The following PIN1 variants were observed in gnomAD, a reference collection of about 807,000 sequenced individuals.
PIN1 encodes peptidyl-prolyl cis-trans isomerase NIMA-interacting 1.
In PIN1, 8 loss-of-function variants were observed where a neutral mutation model predicts 19.9. The ratio of observed to expected loss-of-function variants is 0.40; its 90% CI spans 0.24 to 0.72. The LOEUF is 0.72. Ranked by LOEUF, PIN1 falls within the 30% of genes least tolerant of loss-of-function variation. The probability of loss-of-function intolerance (pLI) is 0.37; values close to 1 mark genes in which losing one functional copy is unlikely to be tolerated. For synonymous variants in PIN1, 86 were observed against 90.8 expected (o/e 0.95, Z 0.30); for missense variants, 185 against 226.5 (o/e 0.82, Z 1.18).
At chr19:9,845,669 G>A (rs1599454091) in intron 2 of PIN1, among the ~76,000 whole-genome samples, 1 of 152,200 alleles carries the variant, frequency 6.6e-6, no homozygotes, top group Admixed American at 6.5e-5. Flanking sequence ...AATTTTCCAA[G>A]AGAGCTGGCA....
Position 9,842,038 on chromosome 19 carries a change from G to A in PIN1, c.271+3390G>A, listed in dbSNP as rs565180209. Among the ~76,000 whole-genome samples, 7 of 152,268 alleles carry A rather than the reference G, an allele frequency of 4.6e-5. No homozygotes were observed. In the East Asian group the frequency reaches 1.4e-3, roughly 29 times the overall value. ...ATCTCTGGGTTGGACAGGTGCACCT[G>A]GTAAGTAGCCAGGCCCTGAGGCGTC... On this transcript the variant is annotated intron_variant, in intron 2 of 3. Transcript: ENST00000247970.
chr19:9,843,111 G>A (rs968803273), intron 2 of PIN1, among the ~76,000 whole-genome samples: 5 of 152,216 alleles, frequency 3.3e-5, no homozygotes, highest in Admixed American at 1.3e-4. Flanking sequence ...CTCCCTGCCC[G>A]CTCTCCACCC....
rs1239044523 is a variant in PIN1, at chr19:9,846,654, G to A, written c.272-1376G>A. The stretch of plus-strand genomic sequence containing the variant: ...GTCCAGTGTGTTCAGCAGGTGCCAC[G>A]GTTGGGTGTCCAGGCCTCCCAGCAC... On this transcript the variant is annotated intron_variant, in intron 2 of 3. Coordinates refer to ENST00000247970, the MANE Select transcript of PIN1 (RefSeq NM_006221.4). The surrounding 1 kb of genome is among the most constrained non-coding windows in gnomAD (Gnocchi z 5.9). 6.6e-6 allele frequency among the ~76,000 whole-genome samples: 1 copy of A among 152,204 alleles called. No individual in the cohort carries two copies. Among genetic ancestry groups the A allele is most frequent in the African/African-American group, 2.4e-5 (1 of 41,456 alleles).
rs1361304611 is a variant in PIN1, at chr19:9,846,756, G to A, written c.272-1274G>A. Among the ~76,000 whole-genome samples, 1 of 152,044 alleles carries A rather than the reference G, an allele frequency of 6.6e-6. No individual in the cohort carries two copies. The highest frequency in any genetic ancestry group is 1.5e-5 in the Non-Finnish European group (1 of 68,002). On this transcript the variant is annotated intron_variant, in intron 2 of 3. Transcript: ENST00000247970. The surrounding 1 kb of genome is among the most constrained non-coding windows in gnomAD (Gnocchi z 5.9). ...AGTGTATCAGCTATGTATGTCCTGG[G>A]CAAGTTGGCCGGCAGGTGTGTCATG...
Position 9,838,356 on chromosome 19 carries a change from C to T in PIN1, c.59-80C>T. The stretch of plus-strand genomic sequence containing the variant: ...AGGCGCCCCCTGCAAGCCAGGCCCT[C>T]ACCCTGGCTTCTGGCTGTGGGCCCA... On this transcript the variant is annotated intron_variant, in intron 1 of 3. Coordinates refer to ENST00000247970, the MANE Select transcript of PIN1 (RefSeq NM_006221.4). This position sits in a 1 kb window ranked among gnomAD's most constrained non-coding sequence, Gnocchi z 5.8. The T allele has an allele frequency of 1.8e-6, 2 of 1,142,818 alleles. No individual in the cohort carries two copies. Among genetic ancestry groups the T allele is most frequent in the Non-Finnish European group, 2.6e-6 (2 of 774,970 alleles). 70.8% of individuals were successfully genotyped at this position (1,142,818 alleles called of 1,614,324 possible).
chr19:9,844,698 G>A (rs569446219), intron 2 of PIN1, among the ~76,000 whole-genome samples: 6 of 152,248 alleles, frequency 3.9e-5, no homozygotes, highest in Non-Finnish European at 8.8e-5. Context: ...TGGCGCCGTC[G>A]GGCAAGGCTG....
At chr19:9,836,913 A>G (rs756981435) in intron 1 of PIN1, 25 of 1,158,464 alleles carry the variant, frequency 2.2e-5, no homozygotes, top group Non-Finnish European at 2.6e-5. Context: ...AATAGAGATA[A>G]TAAAGGCTAT....
Position 9,838,688 on chromosome 19 carries a change from T to C in PIN1, c.271+40T>C. 1 of 1,464,072 alleles carries C rather than the reference T, an allele frequency of 6.8e-7. No homozygotes were observed. The highest frequency in any genetic ancestry group is 2.0e-4 in the Middle Eastern group (1 of 5,120). The allele number at this position is 1,464,072 out of a possible 1,614,324, so 90.7% of individuals were successfully genotyped here. ...GGCAGGGGCTTGGGAGGGGGTCTTCTCCCAGGTGAGCCTTTGTAGAAGTCA... is the reference window on the plus strand; with the variant it reads ...GGCAGGGGCTTGGGAGGGGGTCTTCCCCCAGGTGAGCCTTTGTAGAAGTCA... On this transcript the variant is annotated intron_variant, in intron 2 of 3. Transcript: ENST00000247970. The surrounding 1 kb of genome is among the most constrained non-coding windows in gnomAD (Gnocchi z 5.8).
intron 2 of PIN1, among the ~76,000 whole-genome samples, chr19:9,844,975 C>T (rs566282541): frequency 5.3e-5 from 8 of 152,098 alleles, no homozygotes; most frequent in Non-Finnish European, 1.2e-4. Flanking sequence ...CACTGTGAGG[C>T]GGGCAAGCAA....
intron 1 of PIN1, 198 bp downstream of exon 1, chr19:9,835,600 A>T: frequency 2.0e-6 from 1 of 488,672 alleles, no homozygotes. Flanking sequence ...AGCCTGAGGA[A>T]GCTGAGGCAG....
intron 2 of PIN1, among the ~76,000 whole-genome samples, chr19:9,844,665 TC>T: frequency 6.6e-6 from 1 of 152,054 alleles, no homozygotes; most frequent in South Asian, 2.1e-4. Flanking sequence ...CACCCGACAG[TC>T]CCCATCAAAT....
At chr19:9,848,209 T>A in intron 3 of PIN1, 69 bp downstream of exon 3, 1 of 925,166 alleles carries the variant, frequency 1.1e-6, no homozygotes, top group Non-Finnish European at 1.8e-6. Context: ...GCCAGGAGGG[T>A]CTGGGCATTG....
intron 2 of PIN1, among the ~76,000 whole-genome samples, chr19:9,847,255 C>T (rs1427340490): frequency 6.6e-6 from 1 of 152,194 alleles, no homozygotes; most frequent in African/African-American, 2.4e-5. Flanking sequence ...CCGTCTTGCC[C>T]CCTCTGCTGG....
chr19:9,848,614 C>G (rs191970732), intron 3 of PIN1: 242 of 234,630 alleles, frequency 1.0e-3, no homozygotes, highest in African/African-American at 4.5e-3. Context: ...TAGGCCTCCT[C>G]CTCTTCCTCC....
intron 2 of PIN1, among the ~76,000 whole-genome samples, chr19:9,839,055 T>C (rs1184414485): frequency 6.6e-6 from 1 of 152,172 alleles, no homozygotes; most frequent in Admixed American, 6.6e-5. Context: ...GCCCTCAGTC[T>C]GTGGGAAGTG....
At position 9,838,427 on chromosome 19, in the gene PIN1, C is replaced by G; in HGVS notation, c.59-9C>G. ...CCCTAGCTGAATTCCTGCCTGCCCT[C>G]CCCTCCAGGCCGAGTGTACTACTTC... On this transcript the variant is annotated splice_polypyrimidine_tract_variant and intron_variant, in intron 1 of 3. Coordinates refer to ENST00000247970, the MANE Select transcript of PIN1 (RefSeq NM_006221.4). The surrounding 1 kb of genome is among the most constrained non-coding windows in gnomAD (Gnocchi z 5.8). 6.3e-7 allele frequency: 1 copy of G among 1,592,894 alleles called. No individual in the cohort carries two copies. The highest frequency in any genetic ancestry group is 8.5e-7 in the Non-Finnish European group (1 of 1,171,104).
At position 9,838,761 on chromosome 19, in the gene PIN1, G is replaced by A; in HGVS notation, c.271+113G>A. On this transcript the variant is annotated intron_variant, in intron 2 of 3. Coordinates refer to ENST00000247970, the MANE Select transcript of PIN1 (RefSeq NM_006221.4). This position sits in a 1 kb window ranked among gnomAD's most constrained non-coding sequence, Gnocchi z 5.8. ...TGCTCAGCTGCCAGGCGTGGTGTTG[G>A]CCAACACAAAAACGCCAGTGCATGA... is the stretch of plus-strand genomic sequence containing the variant. 2.4e-6 allele frequency: 2 copies of A among 829,930 alleles called. No individual in the cohort carries two copies. The highest frequency in any genetic ancestry group is 3.8e-6 in the Non-Finnish European group (2 of 531,966). 51.4% of individuals were successfully genotyped at this position (829,930 alleles called of 1,614,324 possible). A position where few individuals can be genotyped will look rare whatever the true frequency, so the allele number is the denominator to read the frequency against.
At chr19:9,839,211 A>T (rs1320937433) in intron 2 of PIN1, among the ~76,000 whole-genome samples, 5 of 152,078 alleles carry the variant, frequency 3.3e-5, no homozygotes, top group Non-Finnish European at 7.4e-5. Context: ...TGGAGGGCAG[A>T]TCACCTGAGG....
intron 2 of PIN1, among the ~76,000 whole-genome samples, chr19:9,842,224 G>A (rs1300217766): frequency 1.3e-5 from 2 of 152,180 alleles, no homozygotes; most frequent in South Asian, 2.1e-4. Flanking sequence ...AGATTCAGGA[G>A]GCAGGATAGA....
Sources: allele counts gnomAD v4.1 joint callset (sites outside exome capture counted in the v4.1 genomes callset), GRCh38; gene constraint gnomAD v4.1.1; non-coding constraint Gnocchi (gnomAD v3.1); transcripts MANE v1.5; gene names NCBI Gene and HGNC (gene_info 2026-07-23, HGNC 2026-07-21).